Variants in NEBL observed in about 807,000 individuals in gnomAD.
The protein encoded by NEBL is LIM and SH3 protein 2.
Under a neutral mutation model 140.2 loss-of-function variants are expected in NEBL, and 122 were observed. That is an observed-to-expected ratio of 0.87 (90% CI 0.75 to 1.01). The LOEUF (loss-of-function observed/expected upper bound fraction) is 1.01, where lower values mean the gene tolerates loss of function less well. Ranked by LOEUF, NEBL falls within the 50% of genes least tolerant of loss-of-function variation. The pLI is 0.00. For synonymous variants in NEBL, 436 were observed against 398.9 expected, an observed-to-expected ratio of 1.09 and a Z score of -1.11; for missense variants, 1,365 against 1,231.3, an observed-to-expected ratio of 1.11 and a Z score of -1.62.
chr10:20,846,463 A>G (rs1256081210), intron 11 of NEBL, among the ~76,000 whole-genome samples: 1 of 152,192 alleles, frequency 6.6e-6, no homozygotes, highest in Non-Finnish European at 1.5e-5. Context: ...TGTGTTCCAT[A>G]CAGCAATCTA....
At chr10:21,265,118 T>C (rs750017574) in intron 1 of NEBL, among the ~76,000 whole-genome samples, 1 of 151,914 alleles carries the variant, frequency 6.6e-6, no homozygotes, top group Non-Finnish European at 1.5e-5. Flanking sequence ...AGATGGGGTT[T>C]TACCATGTTG....
upstream of NEBL, among the ~76,000 whole-genome samples, chr10:21,177,006 C>A (rs997847938): frequency 6.6e-6 from 1 of 152,206 alleles, no homozygotes; most frequent in African/African-American, 2.4e-5. Context: ...ATGGCTTTGA[C>A]TAATACCAGT....
chr10:21,091,615 C>T (rs1374609945), intron 2 of NEBL, among the ~76,000 whole-genome samples: 1 of 152,084 alleles, frequency 6.6e-6, no homozygotes, highest in Non-Finnish European at 1.5e-5. Context: ...TAGATTGCTA[C>T]TTTCATTTTA....
chr10:21,127,682 A>G (rs1815709535), intron 2 of NEBL, among the ~76,000 whole-genome samples: 2 of 152,352 alleles, frequency 1.3e-5, no homozygotes, highest in South Asian at 2.1e-4. Context: ...AATCAGCCCA[A>G]TCCAGAATGT....
chr10:20,793,417 G>A (rs1028175825), intron 26 of NEBL: 2 of 904,874 alleles, frequency 2.2e-6, no homozygotes, highest in Admixed American at 1.2e-4. Context: ...GAGGACAGAG[G>A]AAGAATCAGT....
At chr10:21,007,330 T>C (rs567211305) in intron 3 of NEBL, among the ~76,000 whole-genome samples, 81 of 152,346 alleles carry the variant, frequency 5.3e-4, no homozygotes, top group African/African-American at 1.8e-3. Flanking sequence ...AGCAGCCTTA[T>C]ACAGATAAGT....
rs1273973760 is a variant in NEBL at position 21,216,771 on chromosome 10, G to A, written n.348+31150C>T. On this transcript the variant is annotated intron_variant and non_coding_transcript_variant, in intron 3 of 8. Coordinates refer to the NEBL transcript ENST00000675702. The stretch of plus-strand genomic sequence containing the variant: ...GGGCAACAAAGCAAGACTCCATCTC[G>A]AAAAAAAAAAAAGAAAAAGAAAAAA... Among the ~76,000 whole-genome samples the A allele has an allele frequency of 1.0e-3, 135 of 129,296 alleles. 1 individual carries two copies. Among genetic ancestry groups the A allele is most frequent in the East Asian group, 3.4e-3 (15 of 4,428 alleles). The allele number at this position is 129,296 out of a possible 152,430, so 84.8% of individuals were successfully genotyped here. A position where few individuals can be genotyped will look rare whatever the true frequency, so the allele number is the denominator to read the frequency against.
At chr10:21,256,793 C>A (rs1320820618) in intron 1 of NEBL, among the ~76,000 whole-genome samples, 1 of 152,188 alleles carries the variant, frequency 6.6e-6, no homozygotes, top group Admixed American at 6.5e-5. Context: ...GAGCTCTGAT[C>A]GTAGCACTGC....
intron 3 of NEBL, among the ~76,000 whole-genome samples, chr10:21,232,371 C>T (rs985750092): frequency 2.6e-5 from 4 of 151,652 alleles, no homozygotes; most frequent in Non-Finnish European, 5.9e-5. Context: ...AAGGGTCGGT[C>T]GGGGGGTGGT....
At chr10:21,212,177 A>G (rs969793361) in intron 3 of NEBL, among the ~76,000 whole-genome samples, 1 of 151,454 alleles carries the variant, frequency 6.6e-6, no homozygotes, top group Admixed American at 6.6e-5. Context: ...ACTACATATA[A>G]TACTGTGTAC....
chr10:20,792,112 A>T (rs1288152368), intron 26 of NEBL, among the ~76,000 whole-genome samples: 5 of 142,938 alleles, frequency 3.5e-5, no homozygotes, highest in African/African-American at 1.3e-4. Context: ...TCGATGGCCA[A>T]ATTCCAAATA....
At chr10:20,899,366 A>T (rs1159509875), upstream of NEBL, 2 of 1,296,378 alleles carry the variant, frequency 1.5e-6, no homozygotes, top group Non-Finnish European at 2.0e-6. Flanking sequence ...CCTATTCCCC[A>T]AGGTGAATTA....
intron 1 of NEBL, among the ~76,000 whole-genome samples, chr10:21,272,417 A>C (rs933551173): frequency 2.0e-5 from 3 of 152,030 alleles, no homozygotes; most frequent in African/African-American, 7.2e-5. Context: ...GATCCTGTCT[A>C]TACAAAACCA....
chr10:21,092,784 A>C (rs1163345429), intron 2 of NEBL, among the ~76,000 whole-genome samples: 1 of 152,018 alleles, frequency 6.6e-6, no homozygotes, highest in Non-Finnish European at 1.5e-5. Flanking sequence ...GCCCCTTCAC[A>C]TCTGATATTT....
rs1589313283 is a variant in NEBL at position 21,173,482 on chromosome 10, G to A, written c.69+283C>T. On this transcript the variant is annotated intron_variant, in intron 1 of 6. Coordinates refer to the NEBL transcript ENST00000417816. The surrounding 1 kb of genome is among the most constrained non-coding windows in gnomAD (Gnocchi z 5.7). ...GGGTGCCCAGCCTGGTCCCTCCGGG[G>A]TCCGGGGCTGCGCACCGCCGTGCGC... is the stretch of plus-strand genomic sequence containing the variant. Among the ~76,000 whole-genome samples the A allele has an allele frequency of 2.0e-5, 3 of 152,156 alleles. No homozygotes were observed. Among genetic ancestry groups the A allele is most frequent in the Middle Eastern group, 3.4e-3 (1 of 294 alleles).
chr10:21,132,244 C>T (rs551774694), intron 2 of NEBL, among the ~76,000 whole-genome samples: 18 of 152,174 alleles, frequency 1.2e-4, no homozygotes, highest in Non-Finnish European at 2.2e-4. Context: ...TCATATGTGG[C>T]CTTTAGTGTC....
At chr10:21,014,448 A>T (rs1838477317) in intron 3 of NEBL, among the ~76,000 whole-genome samples, 1 of 152,212 alleles carries the variant, frequency 6.6e-6, no homozygotes, top group African/African-American at 2.4e-5. Flanking sequence ...AAGATTGGGC[A>T]ATCATACAGA....
At chr10:20,850,579 T>C in intron 10 of NEBL, 77 bp from the exon 11 acceptor site, 3 of 902,848 alleles carry the variant, frequency 3.3e-6, no homozygotes, top group South Asian at 2.8e-5. Flanking sequence ...AAATATATGT[T>C]CTAAACTAGT....
intron 7 of NEBL, among the ~76,000 whole-genome samples, chr10:20,864,795 A>G (rs745548414): frequency 6.6e-6 from 1 of 152,206 alleles, no homozygotes; most frequent in Non-Finnish European, 1.5e-5. Flanking sequence ...TTCTGTTATA[A>G]TTGATATACC....
Sources: gnomAD v4.1 joint callset for allele counts (sites outside exome capture counted in the v4.1 genomes callset) on GRCh38, gnomAD v4.1.1 for gene constraint, Gnocchi (gnomAD v3.1) non-coding constraint, MANE v1.5 for transcripts, NCBI Gene and HGNC (gene_info 2026-07-23, HGNC 2026-07-21) for gene names.